The following DNAAF10 variants were observed in gnomAD, a reference collection of about 807,000 sequenced individuals.
DNAAF10 encodes the protein dynein axonemal assembly factor 10, also known as WD repeat domain 92.
A neutral mutation model predicts 43.7 loss-of-function variants in DNAAF10; 28 were observed. The ratio of observed to expected loss-of-function variants is 0.64; its 90% CI spans 0.48 to 0.88. The LOEUF (loss-of-function observed/expected upper bound fraction) is 0.88, where lower values mean the gene tolerates loss of function less well. Among genes scored for constraint, DNAAF10 ranks in the 40% least tolerant of loss-of-function variants. The pLI is 0.00. For synonymous variants in DNAAF10, 156 were observed against 157.3 expected (o/e 0.99, Z 0.06); for missense variants, 403 against 439.1 (o/e 0.92, Z 0.73).
intron 1 of DNAAF10, chr2:68,157,012 C>A: frequency 1.7e-6 from 1 of 574,830 alleles, no homozygotes; most frequent in Non-Finnish European, 3.1e-6. Flanking sequence ...TGCAGGCATC[C>A]TGGTGCCCGC....
chr2:68,141,296 A>G (rs976866618), intron 4 of DNAAF10, among the ~76,000 whole-genome samples: 7 of 152,270 alleles, frequency 4.6e-5, no homozygotes, highest in African/African-American at 1.7e-4. Context: ...GTTTATCCCC[A>G]TTAATGGTGT....
intron 7 of DNAAF10, 91 bp downstream of exon 7, chr2:68,134,611 A>C: frequency 1.3e-6 from 2 of 1,564,708 alleles, no homozygotes; most frequent in South Asian, 1.2e-5. Flanking sequence ...ACTAAGTCAA[A>C]GCAGGAAAAA....
At chr2:68,132,594 T>C (rs777091080) in intron 7 of DNAAF10, among the ~76,000 whole-genome samples, 3 of 152,232 alleles carry the variant, frequency 2.0e-5, no homozygotes, top group Non-Finnish European at 4.4e-5. Context: ...AAGTTTTTCA[T>C]TCAAAAAACA....
chr2:68,136,514 G>A (rs1264320244), intron 6 of DNAAF10, among the ~76,000 whole-genome samples: 3 of 152,176 alleles, frequency 2.0e-5, no homozygotes. Context: ...ATCCACAGGA[G>A]AGAGAGAAGC....
At chr2:68,132,680 T>C (rs1672950899) in intron 7 of DNAAF10, among the ~76,000 whole-genome samples, 1 of 152,216 alleles carries the variant, frequency 6.6e-6, no homozygotes, top group Admixed American at 6.5e-5. Flanking sequence ...TTTAATTGCA[T>C]TACTACCAAG....
chr2:68,157,208 C>T, intron 1 of DNAAF10, 53 bp downstream of exon 1: 1 of 1,567,698 alleles, frequency 6.4e-7, no homozygotes, highest in Non-Finnish European at 8.6e-7. Context: ...ATGCAGACCC[C>T]AGGATCCGCA....
At chr2:68,141,248 G>A (rs965892211) in intron 4 of DNAAF10, among the ~76,000 whole-genome samples, 6 of 152,172 alleles carry the variant, frequency 3.9e-5, no homozygotes, top group African/African-American at 1.4e-4. Context: ...ATAGCGTAAT[G>A]TATGATTTGT....
chr2:68,139,224 T>C (rs1184541219), intron 4 of DNAAF10, among the ~76,000 whole-genome samples: 17 of 152,092 alleles, frequency 1.1e-4, no homozygotes, highest in Non-Finnish European at 1.5e-5. Flanking sequence ...TTCTAGTTCA[T>C]GTGAGGTCTG....
At chr2:68,137,238 C>G in intron 6 of DNAAF10, 61 bp downstream of exon 6, 1 of 1,502,762 alleles carries the variant, frequency 6.7e-7, no homozygotes, top group Non-Finnish European at 8.9e-7. Context: ...ACTAATTCTA[C>G]TTATCAGTCT....
chr2:68,140,739 AAGGAT>A (rs1416970560), intron 4 of DNAAF10, among the ~76,000 whole-genome samples: 1 of 152,128 alleles, frequency 6.6e-6, no homozygotes, highest in Non-Finnish European at 1.5e-5. Context: ...AGCCATCTCT[AAGGAT>A]ATTCCTACTA....
Position 68,130,365 on chromosome 2 carries a change from C to T in DNAAF10, c.*873G>A, listed in dbSNP as rs958891201. 1 of 151,630 alleles carries T rather than the reference C, an allele frequency of 6.6e-6. No individual in the cohort carries two copies. Among genetic ancestry groups the T allele is most frequent in the African/African-American group, 2.4e-5 (1 of 41,242 alleles). 9.4% of individuals were successfully genotyped at this position (151,630 alleles called of 1,614,324 possible). On this transcript the variant is annotated 3_prime_UTR_variant, in exon 8 of 8. Transcript: ENST00000295121. Reference sequence around the variant, plus strand: ...CAGGCTGGTCTCGAATTCCTGACCTCGTGATTCACCCGCCTCAGCCTCCCA... The same window carrying T: ...CAGGCTGGTCTCGAATTCCTGACCTTGTGATTCACCCGCCTCAGCCTCCCA...
chr2:68,133,578 C>A (rs576061930), intron 7 of DNAAF10, among the ~76,000 whole-genome samples: 1 of 152,020 alleles, frequency 6.6e-6, no homozygotes, highest in African/African-American at 2.4e-5. Context: ...CATGGTGAAA[C>A]CCCGTCTCTA....
chr2:68,144,358 C>T (rs1009688996), intron 3 of DNAAF10, among the ~76,000 whole-genome samples: 1 of 152,144 alleles, frequency 6.6e-6, no homozygotes, highest in African/African-American at 2.4e-5. Flanking sequence ...CAGCTCAACA[C>T]TAAAATAGTG....
At chr2:68,134,844 T>A in intron 6 of DNAAF10, 45 bp from the exon 7 acceptor site, 1 of 1,605,228 alleles carries the variant, frequency 6.2e-7, no homozygotes, top group Non-Finnish European at 8.5e-7. Flanking sequence ...TGCTAAATGG[T>A]GCCCTGGAAG....
chr2:68,143,667 A>C (rs757904218), intron 3 of DNAAF10, among the ~76,000 whole-genome samples: 2 of 152,192 alleles, frequency 1.3e-5, no homozygotes, highest in Non-Finnish European at 2.9e-5. Context: ...TAAAATGATA[A>C]CTGTGGAAAC....
At position 68,157,437 on chromosome 2, in the gene DNAAF10, C is replaced by T. The variant is rs750199849; in HGVS notation, c.7G>A (p.Ala3Thr). The T allele has an allele frequency of 3.3e-5, 53 of 1,614,096 alleles. No individual in the cohort carries two copies. In the Admixed American group the frequency reaches 8.7e-4, roughly 26 times the overall value. MS[A>T]FEKPQIIAHI... ...GCGATGATCTGAGGCTTCTCGAAGG[C>T]CGACATGGTGCAGCCAATTTCAGCT... The change falls in exon 1 of 8, where the codon GCC (alanine) becomes ACC (threonine). Residue 3 changes from alanine (A) to threonine (T), a missense_variant. By Grantham distance (58) the Ala-to-Thr change is moderately conservative. Coordinates refer to ENST00000295121, the MANE Select transcript of DNAAF10 (RefSeq NM_138458.4).
chr2:68,134,193 ATGT>A, intron 7 of DNAAF10: 1 of 986,526 alleles, frequency 1.0e-6, no homozygotes, highest in Non-Finnish European at 1.2e-6. Flanking sequence ...AGTATCTGTG[ATGT>A]TAGCGCCCTT....
chr2:68,134,821 C>T (rs761554812), intron 6 of DNAAF10, 22 bp from the exon 7 acceptor site: 3 of 1,612,780 alleles, frequency 1.9e-6, no homozygotes, highest in Non-Finnish European at 2.5e-6. Context: ...AAGAGGCATA[C>T]AACTGGTTTA....
At chr2:68,140,403 C>T (rs1673149574) in intron 4 of DNAAF10, among the ~76,000 whole-genome samples, 1 of 152,288 alleles carries the variant, frequency 6.6e-6, no homozygotes, top group South Asian at 2.1e-4. Context: ...ATCATTCACC[C>T]CACAATCAGC....
Sources: allele counts gnomAD v4.1 joint callset (sites outside exome capture counted in the v4.1 genomes callset), GRCh38; gene constraint gnomAD v4.1.1; transcripts MANE v1.5; gene names NCBI Gene and HGNC (gene_info 2026-07-23, HGNC 2026-07-21).